The following FOXJ3 variants were observed in gnomAD, a reference collection of about 807,000 sequenced individuals.
The protein encoded by FOXJ3 is forkhead box protein J3.
A neutral mutation model predicts 76.1 loss-of-function variants in FOXJ3; 22 were observed. The ratio of observed to expected loss-of-function variants is 0.29; its 90% confidence interval spans 0.21 to 0.41. The LOEUF is 0.41. FOXJ3 is among the 10% of genes least tolerant of loss of function. FOXJ3 has a pLI of 1.00. For synonymous variants in FOXJ3, 269 were observed against 261.2 expected (o/e 1.03, Z -0.29); for missense variants, 613 against 762.1 (o/e 0.80, Z 2.30).
chr1:42,205,932 G>A (rs1646852906), intron 5 of FOXJ3, 69 bp from the exon 6 acceptor site: 2 of 835,120 alleles, frequency 2.4e-6, no homozygotes. Flanking sequence ...AGTTTGAAGG[G>A]ATCTCATCAA....
chr1:42,262,064 C>T (rs1651083054), intron 4 of FOXJ3, among the ~76,000 whole-genome samples: 1 of 152,162 alleles, frequency 6.6e-6, no homozygotes, highest in African/African-American at 2.4e-5. Context: ...ACCAGGCCTA[C>T]TCTCTCTGTT....
chr1:42,318,610 G>A (rs992817933), intron 1 of FOXJ3, among the ~76,000 whole-genome samples: 5 of 152,242 alleles, frequency 3.3e-5, no homozygotes, highest in African/African-American at 1.2e-4. Flanking sequence ...CTCCCAAAGT[G>A]CTAGGATTAC....
At chr1:42,247,792 T>C (rs1649666793) in intron 4 of FOXJ3, among the ~76,000 whole-genome samples, 1 of 152,124 alleles carries the variant, frequency 6.6e-6, no homozygotes, top group Admixed American at 6.5e-5. Context: ...ACTGAGTCTA[T>C]CCTAAAGTGT....
chr1:42,183,093 G>C (rs1051223770), intron 11 of FOXJ3, among the ~76,000 whole-genome samples: 1 of 150,286 alleles, frequency 6.7e-6, no homozygotes, highest in Admixed American at 6.6e-5. Flanking sequence ...TGGCCAACAC[G>C]GCAAAACCCT....
intron 5 of FOXJ3, among the ~76,000 whole-genome samples, chr1:42,223,717 T>C (rs1286710053): frequency 6.6e-6 from 1 of 152,232 alleles, no homozygotes; most frequent in Non-Finnish European, 1.5e-5. Context: ...CACATTTATG[T>C]TACTTAATTA....
intron 1 of FOXJ3, among the ~76,000 whole-genome samples, chr1:42,330,081 TCTACGATATATTTATAAAAC>T (rs1325322906): frequency 6.6e-6 from 1 of 152,184 alleles, no homozygotes; most frequent in African/African-American, 2.4e-5. Flanking sequence ...ACTTATAAAA[TCTACGATATATTTATAAAAC>T]CTACTTATAA....
intron 1 of FOXJ3, among the ~76,000 whole-genome samples, chr1:42,313,029 T>C (rs1654899795): frequency 6.6e-6 from 1 of 152,152 alleles, no homozygotes; most frequent in Non-Finnish European, 1.5e-5. Context: ...TTCCCCTAGA[T>C]TATGGTTTTA....
chr1:42,247,389 C>A (rs1429312183), intron 4 of FOXJ3, among the ~76,000 whole-genome samples: 1 of 152,090 alleles, frequency 6.6e-6, no homozygotes, highest in Non-Finnish European at 1.5e-5. Flanking sequence ...ATTAGCAATA[C>A]AGGATCTGTA....
rs932540039 is a variant in FOXJ3 at position 42,179,640 on chromosome 1, T to C, written c.*70A>G. On this transcript the variant is annotated 3_prime_UTR_variant, in exon 13 of 13. Transcript: ENST00000361346. ...TAGCAAGTTTGTTTTCTCAACTGGATTCTCTTAAACCTTTCCCTTCACTGC... is the reference window on the plus strand; with the variant it reads ...TAGCAAGTTTGTTTTCTCAACTGGACTCTCTTAAACCTTTCCCTTCACTGC... 3.3e-6 allele frequency: 3 copies of C among 901,596 alleles called. No homozygotes were observed. Among genetic ancestry groups the C allele is most frequent in the Middle Eastern group, 2.3e-4 (1 of 4,368 alleles). The allele number at this position is 901,596 out of a possible 1,614,324, so 55.8% of individuals were successfully genotyped here. A position where few individuals can be genotyped will look rare whatever the true frequency, so the allele number is the denominator to read the frequency against.
chr1:42,294,118 A>T (rs187247334), intron 2 of FOXJ3, among the ~76,000 whole-genome samples: 2 of 152,304 alleles, frequency 1.3e-5, no homozygotes, highest in Admixed American at 1.3e-4. Context: ...ATGTTCTAAT[A>T]CAAAGCTGGG....
intron 4 of FOXJ3, among the ~76,000 whole-genome samples, chr1:42,240,350 T>C (rs1189656110): frequency 1.3e-5 from 2 of 152,178 alleles, no homozygotes. Context: ...TTTGCAGATA[T>C]TGACAAGATA....
intron 5 of FOXJ3, among the ~76,000 whole-genome samples, chr1:42,226,496 C>A (rs1305708929): frequency 2.0e-5 from 3 of 152,060 alleles, no homozygotes; most frequent in African/African-American, 7.2e-5. Flanking sequence ...GTAATCCCAG[C>A]TACTTGGGAG....
rs1026904288 is a variant in FOXJ3, at chr1:42,310,486, C to T, written c.44+564G>A. On this transcript the variant is annotated intron_variant, in intron 2 of 12. Coordinates refer to ENST00000361346, the MANE Select transcript of FOXJ3 (RefSeq NM_014947.5). ...TTTTTAGGACAGAGTCTTGCTCTGTCCCCCAGGCTGGAGTGCAGTGGCACG... is the reference window on the plus strand; with the variant it reads ...TTTTTAGGACAGAGTCTTGCTCTGTTCCCCAGGCTGGAGTGCAGTGGCACG... Among the ~76,000 whole-genome samples, 10 of 148,438 alleles carry T rather than the reference C, an allele frequency of 6.7e-5. No homozygotes were observed. The Admixed American group carries it at 6.8e-4, about 10-fold the overall frequency.
intron 1 of FOXJ3, among the ~76,000 whole-genome samples, chr1:42,321,946 G>C (rs1452242575): frequency 6.6e-6 from 1 of 152,034 alleles, no homozygotes; most frequent in Admixed American, 6.6e-5. Flanking sequence ...ATTTCATGTT[G>C]TTTCTGTAAA....
intron 4 of FOXJ3, among the ~76,000 whole-genome samples, chr1:42,234,495 G>T (rs1039497651): frequency 6.6e-6 from 1 of 152,104 alleles, no homozygotes; most frequent in Non-Finnish European, 1.5e-5. Context: ...AGAGTTTCCA[G>T]TTTTTCTCCT....
chr1:42,194,196 C>T (rs1432933316), intron 8 of FOXJ3, among the ~76,000 whole-genome samples: 3 of 152,160 alleles, frequency 2.0e-5, no homozygotes, highest in African/African-American at 7.2e-5. Context: ...AATGCTTCAA[C>T]AGTAGAGTTC....
At chr1:42,321,801 GAAA>G (rs1655443867) in intron 1 of FOXJ3, among the ~76,000 whole-genome samples, 2 of 152,036 alleles carry the variant, frequency 1.3e-5, no homozygotes, top group Admixed American at 1.3e-4. Flanking sequence ...GACTCAAGAG[GAAA>G]CCAAACGTGG....
intron 1 of FOXJ3, among the ~76,000 whole-genome samples, chr1:42,324,133 T>TATACTGTATATAC: frequency 2.1e-5 from 3 of 142,970 alleles, no homozygotes; most frequent in African/African-American, 7.8e-5. Context: ...ACAGTGTATA[T>TATACTGTATATAC]ACAGTATATA....
At chr1:42,248,534 CAAAAAAAA>C (rs4019586) in intron 4 of FOXJ3, among the ~76,000 whole-genome samples, 5 of 135,966 alleles carry the variant, frequency 3.7e-5, no homozygotes, top group Non-Finnish European at 3.1e-5. Flanking sequence ...ACTGCGTCTC[CAAAAAAAA>C]AAAAAAAAAA....
Sources: gnomAD v4.1 joint callset for allele counts (sites outside exome capture counted in the v4.1 genomes callset) on GRCh38, gnomAD v4.1.1 for gene constraint, MANE v1.5 for transcripts, NCBI Gene and HGNC (gene_info 2026-07-23, HGNC 2026-07-21) for gene names.